SDHAF3: variants seen among roughly 807,000 people sequenced by gnomAD.
The protein encoded by SDHAF3 is succinate dehydrogenase assembly factor 3, mitochondrial.
A neutral mutation model predicts 11.5 loss-of-function variants in SDHAF3; 18 were observed. The observed-to-expected ratio is 1.56, with a 90% CI of 1.08 to 2.32. The LOEUF is 2.32. Ranked by LOEUF, SDHAF3 falls within the 30% of genes most tolerant of loss-of-function variation. The pLI is 0.00. For synonymous variants in SDHAF3, 72 were observed against 59.3 expected (o/e 1.21, Z -0.99); for missense variants, 200 against 154.4 (o/e 1.30, Z -1.57).
intron 1 of SDHAF3, among the ~76,000 whole-genome samples, chr7:97,125,765 A>G (rs1242221171): frequency 2.0e-5 from 3 of 152,102 alleles, no homozygotes; most frequent in Non-Finnish European, 4.4e-5. Context: ...GCTTCCTTGC[A>G]TTGGGTTAGA....
chr7:97,179,600 G>A (rs1037906734), intron 1 of SDHAF3, among the ~76,000 whole-genome samples: 3 of 151,776 alleles, frequency 2.0e-5, no homozygotes, highest in East Asian at 1.9e-4. Flanking sequence ...GCAGTGTTTC[G>A]AGACATTTTA....
chr7:97,154,261 G>T (rs912206705), intron 1 of SDHAF3, among the ~76,000 whole-genome samples: 19 of 152,150 alleles, frequency 1.2e-4, no homozygotes, highest in African/African-American at 4.3e-4. Flanking sequence ...AAATCACAAT[G>T]GTGGAATGTC....
intron 1 of SDHAF3, chr7:97,136,466 CAGTA>C: frequency 1.5e-6 from 1 of 649,602 alleles, no homozygotes; most frequent in Non-Finnish European, 2.8e-6. Context: ...TTGGTACTTT[CAGTA>C]AGTAAGACCT....
intron 1 of SDHAF3, among the ~76,000 whole-genome samples, chr7:97,130,477 G>C (rs1185630352): frequency 6.6e-6 from 1 of 152,188 alleles, no homozygotes; most frequent in Non-Finnish European, 1.5e-5. Context: ...TTCTTTTGTA[G>C]TCCAGCTGGT....
chr7:97,155,914 A>G (rs1789294877), intron 1 of SDHAF3, among the ~76,000 whole-genome samples: 1 of 152,112 alleles, frequency 6.6e-6, no homozygotes, highest in African/African-American at 2.4e-5. Context: ...TTTGCATTCC[A>G]AGTAGTCTTC....
At chr7:97,165,357 CTTTTT>C (rs10653828) in intron 1 of SDHAF3, among the ~76,000 whole-genome samples, 10 of 77,024 alleles carry the variant, frequency 1.3e-4, no homozygotes, top group East Asian at 1.3e-3. Context: ...ATTTTCCTAC[CTTTTT>C]TTTTTTTTTT....
chr7:97,177,756 G>A (rs553008073), intron 1 of SDHAF3, among the ~76,000 whole-genome samples: 37 of 152,128 alleles, frequency 2.4e-4, no homozygotes, highest in Non-Finnish European at 4.4e-4. Context: ...GCATTTTTGA[G>A]TTCTAGAATT....
chr7:97,155,185 C>T lies in SDHAF3; in HGVS notation c.175-25827C>T, dbSNP rs565938948. Among the ~76,000 whole-genome samples the T allele has an allele frequency of 3.4e-4, 52 of 152,196 alleles. 2 individuals are homozygous for T. The highest frequency in any genetic ancestry group is 1.3e-4 in the Non-Finnish European group (9 of 67,992). ...GGATTTTGATTGGAATTGCATTAAA[C>T]GAGGTCAATTTGGGGAGCATTAATA... On this transcript the variant is annotated intron_variant, in intron 1 of 1. Coordinates refer to ENST00000432641, the MANE Select transcript of SDHAF3 (RefSeq NM_020186.3).
chr7:97,144,317 G>A (rs1412181921), intron 1 of SDHAF3, among the ~76,000 whole-genome samples: 1 of 151,986 alleles, frequency 6.6e-6, no homozygotes, highest in Non-Finnish European at 1.5e-5. Context: ...TTTCTCTTCA[G>A]TTTAATTAGG....
intron 1 of SDHAF3, among the ~76,000 whole-genome samples, chr7:97,163,877 G>A (rs373373844): frequency 1.4e-4 from 22 of 151,828 alleles, no homozygotes; most frequent in African/African-American, 5.1e-4. Context: ...GCATTTGGTT[G>A]TCTGTAAGGA....
chr7:97,139,428 C>A (rs937441034), intron 1 of SDHAF3, among the ~76,000 whole-genome samples: 6 of 152,174 alleles, frequency 3.9e-5, no homozygotes. Context: ...AAAACAAAGG[C>A]ACCACTCAAA....
intron 1 of SDHAF3, among the ~76,000 whole-genome samples, chr7:97,152,753 G>A (rs755272079): frequency 2.0e-5 from 3 of 152,292 alleles, no homozygotes; most frequent in South Asian, 2.1e-4. Context: ...AGGTTCAAGC[G>A]ATCCTTGTGC....
rs191143474 is a variant in SDHAF3 at position 97,149,788 on chromosome 7, A to G, written c.175-31224A>G. On this transcript the variant is annotated intron_variant, in intron 1 of 1. Transcript: ENST00000432641. ...TAGGGTAGCTGTGGCAATTTCTTAAAATAAGACCACAATAAAGTGTGCTGC... is the reference window on the plus strand; with the variant it reads ...TAGGGTAGCTGTGGCAATTTCTTAAGATAAGACCACAATAAAGTGTGCTGC... Among the ~76,000 whole-genome samples the G allele has an allele frequency of 3.3e-5, 5 of 152,334 alleles. No homozygotes were observed. The East Asian group carries it at 9.6e-4, about 29-fold the overall frequency.
At chr7:97,119,797 G>C (rs1044999210) in intron 1 of SDHAF3, among the ~76,000 whole-genome samples, 2 of 152,040 alleles carry the variant, frequency 1.3e-5, no homozygotes, top group Non-Finnish European at 2.9e-5. Context: ...CTGTTACTTT[G>C]TGGAATGTAT....
At chr7:97,150,265 G>C (rs1789198498) in intron 1 of SDHAF3, among the ~76,000 whole-genome samples, 1 of 152,158 alleles carries the variant, frequency 6.6e-6, no homozygotes. Context: ...CTGCTCCCAT[G>C]AATCACAAAT....
At chr7:97,176,028 C>G (rs1324268150) in intron 1 of SDHAF3, among the ~76,000 whole-genome samples, 1 of 152,182 alleles carries the variant, frequency 6.6e-6, no homozygotes, top group Non-Finnish European at 1.5e-5. Flanking sequence ...ATATCACATT[C>G]TCCTCTGTAT....
At chr7:97,166,169 C>G (rs1450423328) in intron 1 of SDHAF3, among the ~76,000 whole-genome samples, 1 of 152,182 alleles carries the variant, frequency 6.6e-6, no homozygotes, top group African/African-American at 2.4e-5. Context: ...TGAGACAAGT[C>G]TAAACCAATT....
chr7:97,136,104 T>TGTATTTG (rs57943214), intron 1 of SDHAF3, among the ~76,000 whole-genome samples: 60,691 of 151,488 alleles, frequency 0.4, 12,259 homozygotes, highest in East Asian at 0.49. Flanking sequence ...TTTCAGTTAA[T>TGTATTTG]GTTTCACCTG....
intron 1 of SDHAF3, among the ~76,000 whole-genome samples, chr7:97,165,850 A>G (rs1789496401): frequency 6.6e-6 from 1 of 152,206 alleles, no homozygotes; most frequent in African/African-American, 2.4e-5. Flanking sequence ...TCTTTAATAA[A>G]TGTGTATCAA....
Sources: allele counts gnomAD v4.1 joint callset (sites outside exome capture counted in the v4.1 genomes callset), GRCh38; gene constraint gnomAD v4.1.1; transcripts MANE v1.5; gene names NCBI Gene and HGNC (gene_info 2026-07-23, HGNC 2026-07-21).